Variants in TMEM61 observed in about 807,000 individuals in gnomAD.
TMEM61 encodes the protein transmembrane protein 61.
A neutral mutation model predicts 12.0 loss-of-function variants in TMEM61; 13 were observed. That is an observed-to-expected ratio of 1.08 (90% CI 0.70 to 1.72). TMEM61 has a LOEUF of 1.72. Ranked by LOEUF, TMEM61 falls within the 40% of genes most tolerant of loss-of-function variation. The probability of loss-of-function intolerance (pLI) is 0.00; values close to 1 mark genes in which losing one functional copy is unlikely to be tolerated. For synonymous variants in TMEM61, 109 were observed against 121.4 expected, an observed-to-expected ratio of 0.90 and a Z score of 0.67; for missense variants, 249 against 276.9, an observed-to-expected ratio of 0.90 and a Z score of 0.71.
chr1:54,986,504 C>T, intron 2 of TMEM61, 58 bp downstream of exon 2: 1 of 1,360,236 alleles, frequency 7.4e-7, no homozygotes, highest in Non-Finnish European at 1.0e-6. Flanking sequence ...CCAGTCACAC[C>T]AGCCCACCAG....
chr1:54,986,616 G>T (rs939014420), intron 2 of TMEM61, among the ~76,000 whole-genome samples, 170 bp downstream of exon 2: 5 of 152,178 alleles, frequency 3.3e-5, no homozygotes, highest in Admixed American at 2.6e-4. Context: ...CAGCCCTGAA[G>T]GAGTTTAAAG....
At chr1:54,987,224 G>C (rs890576) in intron 2 of TMEM61, among the ~76,000 whole-genome samples, 111,472 of 152,128 alleles carry the variant, frequency 0.73, 41,589 homozygotes, top group Non-Finnish European at 0.8. Context: ...AGCTTTAGCC[G>C]AGTGCCTGGT....
At position 54,980,652 on chromosome 1, in the gene TMEM61, G is replaced by C. The variant is rs1257214216; in HGVS notation, c.-414G>C. On this transcript the variant is annotated 5_prime_UTR_variant, in exon 1 of 3. Coordinates refer to ENST00000371268, the MANE Select transcript of TMEM61 (RefSeq NM_182532.3). ...CAGCGCTGGACACCTGGAGCTGCCC[G>C]AGGACGCGGAGGAGAGGTGGGGCGG... 1 of 169,884 alleles carries C rather than the reference G, an allele frequency of 5.9e-6. No homozygotes were observed. Among genetic ancestry groups the C allele is most frequent in the Non-Finnish European group, 1.3e-5 (1 of 79,796 alleles). 10.5% of individuals were successfully genotyped at this position (169,884 alleles called of 1,614,324 possible). A position where few individuals can be genotyped will look rare whatever the true frequency, so the allele number is the denominator to read the frequency against.
Position 54,981,076 on chromosome 1 carries a change from C to A in TMEM61, c.11C>A (p.Pro4His). Residue 4 changes from proline (P) to histidine (H), a missense_variant, in exon 1 of 3, where the codon CCC becomes CAC. Physicochemically the swap from Pro to His is moderately conservative, Grantham distance 77 (BLOSUM62 -2). Transcript: ENST00000371268. ...GCTGCCCGCCTCCCGATGGCCCTGCCCCAGGTGGGTGGAAACGGCCTTCTC... is the reference window on the plus strand; with the variant it reads ...GCTGCCCGCCTCCCGATGGCCCTGCACCAGGTGGGTGGAAACGGCCTTCTC... The part of the protein sequence containing the change: MAL[P>H]QMCDGSHLAS... 6.3e-7 allele frequency: 1 copy of A among 1,588,286 alleles called. No homozygotes were observed. The highest frequency in any genetic ancestry group is 8.6e-7 in the Non-Finnish European group (1 of 1,166,680).
chr1:54,989,163 G>A (rs1644279502), intron 2 of TMEM61, among the ~76,000 whole-genome samples: 1 of 152,190 alleles, frequency 6.6e-6, no homozygotes, highest in Non-Finnish European at 1.5e-5. Context: ...CCATTTGACA[G>A]CTGAGAAGAC....
At chr1:54,983,933 C>T (rs1420383608) in intron 1 of TMEM61, among the ~76,000 whole-genome samples, 1 of 152,030 alleles carries the variant, frequency 6.6e-6, no homozygotes, top group Non-Finnish European at 1.5e-5. Context: ...AAGAGAACTG[C>T]AGGTAATTTA....
chr1:54,981,578 A>G (rs1160204466), intron 1 of TMEM61, among the ~76,000 whole-genome samples: 1 of 152,194 alleles, frequency 6.6e-6, no homozygotes, highest in Non-Finnish European at 1.5e-5. Flanking sequence ...AGATCGCAGG[A>G]CTGCCCTCCA....
rs566030892 is a variant in TMEM61, at chr1:54,985,764, A to G, written c.16-333A>G. 4.7e-5 allele frequency among the ~76,000 whole-genome samples: 4 copies of G among 84,556 alleles called. No individual in the cohort carries two copies. The East Asian group carries it at 1.1e-3, about 22-fold the overall frequency. The allele number at this position is 84,556 out of a possible 152,430, so 55.5% of individuals were successfully genotyped here. On this transcript the variant is annotated intron_variant, in intron 1 of 2. Transcript: ENST00000371268. ...AACATGCGTTACTTTTCTCTGTCCC[A>G]GCTTCCTGTGTGGCAGTCAGGGTGG... is the stretch of plus-strand genomic sequence containing the variant.
chr1:54,985,252 T>C (rs1245418344), intron 1 of TMEM61, among the ~76,000 whole-genome samples: 4 of 96,296 alleles, frequency 4.2e-5, no homozygotes, highest in Non-Finnish European at 1.2e-4. Context: ...TGTGTATGTG[T>C]GTGTGACAGA....
At chr1:54,987,264 T>G (rs559077923) in intron 2 of TMEM61, among the ~76,000 whole-genome samples, 1 of 152,320 alleles carries the variant, frequency 6.6e-6, no homozygotes, top group East Asian at 1.9e-4. Context: ...AATGTCAACT[T>G]TTCCTCTAGT....
Position 54,991,054 on chromosome 1 carries a change from T to A in TMEM61, c.366-782T>A, listed in dbSNP as rs142355436. Among the ~76,000 whole-genome samples, 559 of 152,270 alleles carry A rather than the reference T, an allele frequency of 3.7e-3. 4 individuals are homozygous for A. The highest frequency in any genetic ancestry group is 6.1e-3 in the Non-Finnish European group (413 of 68,026). ...CCCACTCCCCACTGTGTGTCCCAGGTTGGGGAGGGGCATTGGATCCCCAGA... is the reference window on the plus strand; with the variant it reads ...CCCACTCCCCACTGTGTGTCCCAGGATGGGGAGGGGCATTGGATCCCCAGA... On this transcript the variant is annotated intron_variant, in intron 2 of 2. Coordinates refer to ENST00000371268, the MANE Select transcript of TMEM61 (RefSeq NM_182532.3).
At chr1:54,985,995 T>C in intron 1 of TMEM61, 102 bp from the exon 2 acceptor site, 1 of 1,040,136 alleles carries the variant, frequency 9.6e-7, no homozygotes. Context: ...TTAAGTGACT[T>C]CTCCAAGGTT....
At chr1:54,985,086 T>TA (rs1298211657) in intron 1 of TMEM61, among the ~76,000 whole-genome samples, 2 of 152,190 alleles carry the variant, frequency 1.3e-5, no homozygotes, top group East Asian at 3.8e-4. Context: ...CTTGATTTTT[T>TA]AAAAAAATGG....
At chr1:54,983,754 TG>T (rs1644239476) in intron 1 of TMEM61, among the ~76,000 whole-genome samples, 1 of 152,198 alleles carries the variant, frequency 6.6e-6, no homozygotes, top group South Asian at 2.1e-4. Flanking sequence ...TTGTGTGTTT[TG>T]TTTTTTGAAT....
chr1:54,985,727 C>T (rs149918438), intron 1 of TMEM61, among the ~76,000 whole-genome samples: 46 of 151,744 alleles, frequency 3.0e-4, no homozygotes, highest in African/African-American at 1.1e-3. Context: ...TCCTGGCAGG[C>T]CTGGAGGTTC....
Position 54,986,412 on chromosome 1 carries a change from C to T in TMEM61, c.331C>T (p.Leu111Phe). ...TCACCTCTCCAGAGACCTGTACTAC[C>T]TCACTGTGGAGTCCTCAGAGAAGGA... is the stretch of plus-strand genomic sequence containing the variant. ...PYHLSRDLYY[L>F]TVESSEKESC... Residue 111 changes from leucine (L) to phenylalanine (F), a missense_variant, in exon 2 of 3, where the codon CTC becomes TTC. By Grantham distance (22) the Leu-to-Phe change is conservative. Transcript: ENST00000371268. 6.3e-7 allele frequency: 1 copy of T among 1,592,532 alleles called. No individual in the cohort carries two copies. The highest frequency in any genetic ancestry group is 1.1e-5 in the South Asian group (1 of 88,450).
chr1:54,986,384 CT>C lies in TMEM61; in HGVS notation c.304del (p.Tyr102IlefsTer35), dbSNP rs779030670. The C allele has an allele frequency of 1.2e-6, 2 of 1,611,950 alleles. No individual in the cohort carries two copies. Among genetic ancestry groups the C allele is most frequent in the African/African-American group, 1.3e-5 (1 of 75,046 alleles). On this transcript the variant is annotated frameshift_variant, in exon 2 of 3. Transcript: ENST00000371268. LOFTEE classifies it high-confidence loss of function. ...TCCCAGGGCCACCTCGATGGGACCC[CT>C]ATCACCTCTCCAGAGACCTGTACTA... ...SIPGPPRWDP[Y>X]HLSRDLYYLT...
intron 1 of TMEM61, among the ~76,000 whole-genome samples, chr1:54,982,136 TCA>T (rs1418164484): frequency 6.6e-6 from 1 of 152,122 alleles, no homozygotes; most frequent in African/African-American, 2.4e-5. Context: ...GGATTTGAAC[TCA>T]GAGATGCTGG....
chr1:54,985,306 G>A (rs1644250467), intron 1 of TMEM61, among the ~76,000 whole-genome samples: 1 of 152,016 alleles, frequency 6.6e-6, no homozygotes, highest in Non-Finnish European at 1.5e-5. Flanking sequence ...GTGCGATCTC[G>A]GCTCACTACA....
Sources: allele counts gnomAD v4.1 joint callset (sites outside exome capture counted in the v4.1 genomes callset), GRCh38; gene constraint gnomAD v4.1.1; transcripts MANE v1.5; gene names NCBI Gene and HGNC (gene_info 2026-07-23, HGNC 2026-07-21).